Variants in PGBD5 observed in about 807,000 individuals in gnomAD.
The protein encoded by PGBD5 is piggyBac transposable element derived 5.
In PGBD5, 14 loss-of-function variants were observed where a neutral mutation model predicts 47.9. The ratio of observed to expected loss-of-function variants is 0.29; its 90% CI spans 0.19 to 0.46. The LOEUF (loss-of-function observed/expected upper bound fraction) is 0.46, where lower values mean the gene tolerates loss of function less well. Among genes scored for constraint, PGBD5 ranks in the 20% least tolerant of loss-of-function variants. The probability of loss-of-function intolerance (pLI) is 1.00; values close to 1 mark genes in which losing one functional copy is unlikely to be tolerated. For synonymous variants in PGBD5, 316 were observed against 306.3 expected, an observed-to-expected ratio of 1.03 and a Z score of -0.33; for missense variants, 635 against 716.0, an observed-to-expected ratio of 0.89 and a Z score of 1.29.
chr1:230,332,775 G>A, intron 5 of PGBD5, 69 bp downstream of exon 5: 1 of 1,569,580 alleles, frequency 6.4e-7, no homozygotes. Context: ...ATCCACCGCA[G>A]CGGTGGGCTC....
chr1:230,362,357 AC>A, intron 1 of PGBD5: 1 of 1,366,994 alleles, frequency 7.3e-7, no homozygotes, highest in Non-Finnish European at 9.8e-7. Flanking sequence ...GACTCCATCC[AC>A]AGCTGTCGCT....
intron 1 of PGBD5, among the ~76,000 whole-genome samples, chr1:230,362,568 C>T (rs537022793): frequency 2.2e-4 from 33 of 152,182 alleles, no homozygotes; most frequent in Admixed American, 3.3e-4. Flanking sequence ...AGCCCTGACT[C>T]GGTGCCTCTC....
intron 2 of PGBD5, among the ~76,000 whole-genome samples, chr1:230,355,597 GT>G (rs1262960255): frequency 6.6e-6 from 1 of 152,228 alleles, no homozygotes; most frequent in East Asian, 1.9e-4. Flanking sequence ...CAGAGCTCAT[GT>G]CCTCGAAAGT....
chr1:230,422,581 G>A (rs1232669496), intron 1 of PGBD5, among the ~76,000 whole-genome samples: 1 of 152,178 alleles, frequency 6.6e-6, no homozygotes. Context: ...CATAGCGTGT[G>A]CATTTAAGTC....
At chr1:230,402,248 AC>A (rs1657154711) in intron 1 of PGBD5, among the ~76,000 whole-genome samples, 1 of 152,180 alleles carries the variant, frequency 6.6e-6, no homozygotes, top group Non-Finnish European at 1.5e-5. Context: ...ACAAGTCATC[AC>A]CCTAGAGGGA....
chr1:230,358,789 C>T (rs535086010), intron 1 of PGBD5, among the ~76,000 whole-genome samples: 7 of 152,274 alleles, frequency 4.6e-5, no homozygotes, highest in African/African-American at 7.2e-5. Context: ...AGTCTAGGAG[C>T]GATAGGCTAT....
intron 5 of PGBD5, among the ~76,000 whole-genome samples, chr1:230,329,661 G>A (rs980673624): frequency 6.6e-6 from 1 of 152,174 alleles, no homozygotes; most frequent in Non-Finnish European, 1.5e-5. Context: ...ATAGGCATGA[G>A]CCACCACACC....
chr1:230,362,067 C>T (rs1189963566), intron 1 of PGBD5, among the ~76,000 whole-genome samples: 6 of 152,190 alleles, frequency 3.9e-5, no homozygotes, highest in African/African-American at 1.4e-4. Context: ...ATCAGTGGGG[C>T]ATGAGGGTCT....
intron 1 of PGBD5, chr1:230,377,610 G>C: frequency 6.4e-7 from 1 of 1,553,116 alleles, no homozygotes; most frequent in Non-Finnish European, 8.7e-7. Context: ...CTCGAGTTCT[G>C]TAGTCAGGCA....
At position 230,356,790 on chromosome 1, in the gene PGBD5, G is replaced by T. The variant is rs1558198081; in HGVS notation, c.759+104C>A. ...GGTGACCTTGAAGTGAACTCAGAGG[G>T]CAGGCAGGGCAGGAAGGACACCCCA... On this transcript the variant is annotated intron_variant, in intron 2 of 6. Coordinates refer to ENST00000391860, the MANE Select transcript of PGBD5 (RefSeq NM_001258311.2). 5.7e-6 allele frequency: 7 copies of T among 1,220,560 alleles called. No homozygotes were observed. The East Asian group carries it at 1.2e-4, about 21-fold the overall frequency. The allele number at this position is 1,220,560 out of a possible 1,614,324, so 75.6% of individuals were successfully genotyped here.
At chr1:230,325,816 C>T (rs933637904) in intron 5 of PGBD5, among the ~76,000 whole-genome samples, 2 of 152,052 alleles carry the variant, frequency 1.3e-5, no homozygotes, top group Non-Finnish European at 2.9e-5. Flanking sequence ...GTGAGGGATG[C>T]TAGGAAGAAG....
At chr1:230,363,911 T>C (rs1324522790) in intron 1 of PGBD5, among the ~76,000 whole-genome samples, 2 of 152,136 alleles carry the variant, frequency 1.3e-5, no homozygotes, top group Non-Finnish European at 2.9e-5. Context: ...ATCTCGTTGT[T>C]TTCTCAATGC....
intron 1 of PGBD5, chr1:230,362,210 T>C: frequency 4.5e-6 from 6 of 1,330,390 alleles, no homozygotes; most frequent in Non-Finnish European, 5.0e-6. Context: ...GAGGATCTGA[T>C]GGCTGTTCCC....
chr1:230,341,329 G>A (rs968620562), intron 3 of PGBD5, among the ~76,000 whole-genome samples: 7 of 152,132 alleles, frequency 4.6e-5, no homozygotes, highest in Non-Finnish European at 1.0e-4. Context: ...GTACCTGACT[G>A]GTCCTGGTTT....
In PGBD5 at chr1:230,357,628, C is replaced by A. The variant is rs370623285; in HGVS notation, c.332-307G>T. Among the ~76,000 whole-genome samples the A allele has an allele frequency of 2.6e-5, 4 of 152,174 alleles. No homozygotes were observed. Among genetic ancestry groups the A allele is most frequent in the Admixed American group, 2.0e-4 (3 of 15,286 alleles). On this transcript the variant is annotated intron_variant, in intron 1 of 6. Transcript: ENST00000391860. The surrounding 1 kb of genome is among the most constrained non-coding windows in gnomAD (Gnocchi z 5.7). ...CACCCGGAGTGCAAGCTGCAGCCTG[C>A]ATCTCCACACCAGACCGGAGGACAG...
At chr1:230,374,288 G>A (rs997174614) in intron 1 of PGBD5, among the ~76,000 whole-genome samples, 1 of 152,046 alleles carries the variant, frequency 6.6e-6, no homozygotes, top group Admixed American at 6.6e-5. Context: ...ATGGTGGCAG[G>A]CGCCTGTAAT....
At chr1:230,369,158 G>GT (rs1426499213) in intron 1 of PGBD5, among the ~76,000 whole-genome samples, 1 of 152,232 alleles carries the variant, frequency 6.6e-6, no homozygotes, top group Non-Finnish European at 1.5e-5. Flanking sequence ...AAATGAAAAT[G>GT]TATGTGTCAC....
chr1:230,374,260 T>G (rs1667978741), intron 1 of PGBD5, among the ~76,000 whole-genome samples: 1 of 151,832 alleles, frequency 6.6e-6, no homozygotes, highest in South Asian at 2.1e-4. Flanking sequence ...CTACTAAAAA[T>G]ACAAAAATCA....
intron 4 of PGBD5, 41 bp from the exon 5 acceptor site, chr1:230,333,082 C>G: frequency 6.5e-7 from 1 of 1,547,296 alleles, no homozygotes; most frequent in Non-Finnish European, 8.7e-7. Context: ...TCACCACCAT[C>G]GGAGATGCCG....
Sources: gnomAD v4.1 joint callset for allele counts (sites outside exome capture counted in the v4.1 genomes callset) on GRCh38, gnomAD v4.1.1 for gene constraint, Gnocchi (gnomAD v3.1) non-coding constraint, MANE v1.5 for transcripts, NCBI Gene and HGNC (gene_info 2026-07-23, HGNC 2026-07-21) for gene names.